The following NKAIN2 variants were observed in gnomAD, a reference collection of about 807,000 sequenced individuals.
NKAIN2 encodes sodium/potassium transporting ATPase interacting 2.
Under a neutral mutation model 32.6 loss-of-function variants are expected in NKAIN2, and 14 were observed. That is an observed-to-expected ratio of 0.43 (90% CI 0.28 to 0.67). The LOEUF (loss-of-function observed/expected upper bound fraction) is 0.67. Among genes scored for constraint, NKAIN2 ranks in the 30% least tolerant of loss-of-function variants. NKAIN2 has a pLI of 0.17. For synonymous variants in NKAIN2, 80 were observed against 87.2 expected (o/e 0.92, Z 0.46); for missense variants, 198 against 258.3 (o/e 0.77, Z 1.60).
chr6:124,823,303 G>A lies in NKAIN2; in HGVS notation c.*74G>A. ...TTCGCAGTGGCCTCCTGCATTTCATGAAGAGCAAGAAGCAACTGAGTTTAA... is the reference window on the plus strand; with the variant it reads ...TTCGCAGTGGCCTCCTGCATTTCATAAAGAGCAAGAAGCAACTGAGTTTAA... On this transcript the variant is annotated 3_prime_UTR_variant, in exon 7 of 7. Transcript: ENST00000368417. 1 of 984,640 alleles carries A rather than the reference G, an allele frequency of 1.0e-6. No individual in the cohort carries two copies. The highest frequency in any genetic ancestry group is 1.7e-6 in the Non-Finnish European group (1 of 604,800). The allele number at this position is 984,640 out of a possible 1,614,324, so 61.0% of individuals were successfully genotyped here.
intron 1 of NKAIN2, among the ~76,000 whole-genome samples, chr6:124,164,804 A>T (rs1405556883): frequency 3.3e-5 from 5 of 152,044 alleles, no homozygotes; most frequent in Non-Finnish European, 5.9e-5. Context: ...AAACCAGAAA[A>T]TTGAGAGTAT....
chr6:124,502,844 G>A (rs1388683437), intron 3 of NKAIN2, among the ~76,000 whole-genome samples: 1 of 152,106 alleles, frequency 6.6e-6, no homozygotes, highest in African/African-American at 2.4e-5. Context: ...ATTCATGTGT[G>A]TCATCACTCT....
At chr6:124,218,593 A>G (rs992066163) in intron 1 of NKAIN2, among the ~76,000 whole-genome samples, 1 of 152,202 alleles carries the variant, frequency 6.6e-6, no homozygotes, top group African/African-American at 2.4e-5. Flanking sequence ...CCAACTACTA[A>G]TAGCAAAACA....
intron 5 of NKAIN2, among the ~76,000 whole-genome samples, chr6:124,805,153 G>A (rs9385347): frequency 5.3e-5 from 8 of 151,890 alleles, no homozygotes; most frequent in South Asian, 2.1e-4. Flanking sequence ...CTCCCAGCAC[G>A]CAGCTGGAGA....
intron 1 of NKAIN2, among the ~76,000 whole-genome samples, chr6:124,089,273 C>A (rs1300851731): frequency 6.6e-6 from 1 of 151,650 alleles, no homozygotes; most frequent in Non-Finnish European, 1.5e-5. Context: ...TTCTACCAGG[C>A]ACATTAGTGT....
intron 3 of NKAIN2, among the ~76,000 whole-genome samples, chr6:124,406,964 TCGATA>T (rs1773889088): frequency 6.6e-6 from 1 of 152,066 alleles, no homozygotes; most frequent in African/African-American, 2.4e-5. Flanking sequence ...TTATGTATAT[TCGATA>T]CAATTGCCTT....
chr6:124,018,010 G>A lies in NKAIN2; in HGVS notation c.54+213756G>A, dbSNP rs950650713. On this transcript the variant is annotated intron_variant, in intron 1 of 6. Coordinates refer to ENST00000368417, the MANE Select transcript of NKAIN2 (RefSeq NM_001040214.3). Reference sequence around the variant, plus strand: ...GGTTGTTCATAGGGGCTTCACCCCTGCAGCACACCTCTGCCTGGACATTTA... The same window carrying A: ...GGTTGTTCATAGGGGCTTCACCCCTACAGCACACCTCTGCCTGGACATTTA... Among the ~76,000 whole-genome samples, 3 of 152,200 alleles carry A rather than the reference G, an allele frequency of 2.0e-5. No individual in the cohort carries two copies. In the South Asian group the frequency reaches 6.2e-4, roughly 31 times the overall value.
intron 1 of NKAIN2, among the ~76,000 whole-genome samples, chr6:123,983,592 A>T (rs1778997382): frequency 6.6e-6 from 1 of 152,154 alleles, no homozygotes; most frequent in Non-Finnish European, 1.5e-5. Context: ...TGTAAAGTAA[A>T]TGATGGGTGG....
intron 1 of NKAIN2, among the ~76,000 whole-genome samples, chr6:123,815,129 G>A (rs973613416): frequency 3.3e-5 from 5 of 152,088 alleles, no homozygotes; most frequent in African/African-American, 7.2e-5. Context: ...TGTTTCTATC[G>A]TAAATCTAGT....
intron 3 of NKAIN2, among the ~76,000 whole-genome samples, chr6:124,582,269 T>A (rs903111056): frequency 3.9e-5 from 6 of 152,150 alleles, no homozygotes; most frequent in Non-Finnish European, 7.4e-5. Flanking sequence ...CTTCTAATGA[T>A]CCTTTGAATT....
chr6:124,138,650 ATAAT>A (rs1786963433), intron 1 of NKAIN2, among the ~76,000 whole-genome samples: 1 of 101,472 alleles, frequency 9.9e-6, no homozygotes, highest in Non-Finnish European at 1.9e-5. Flanking sequence ...ATTATTATTA[ATAAT>A]TATGTTATAT....
chr6:124,426,310 T>C (rs914988667), intron 3 of NKAIN2, among the ~76,000 whole-genome samples: 2 of 152,130 alleles, frequency 1.3e-5, no homozygotes, highest in Non-Finnish European at 2.9e-5. Context: ...AAAAACATGA[T>C]CCACACTTAA....
chr6:124,531,112 G>A (rs1779509623), intron 3 of NKAIN2, among the ~76,000 whole-genome samples: 2 of 152,178 alleles, frequency 1.3e-5, no homozygotes, highest in Non-Finnish European at 2.9e-5. Flanking sequence ...ACAAAGAAAA[G>A]TCAGCAGCCT....
intron 3 of NKAIN2, among the ~76,000 whole-genome samples, chr6:124,374,308 G>GAA (rs796702468): frequency 9.6e-5 from 14 of 146,508 alleles, no homozygotes; most frequent in Middle Eastern, 3.3e-3. Flanking sequence ...AGAGAGTTTT[G>GAA]AAAAAAAAAA....
chr6:124,641,943 A>C (rs1784009756), intron 3 of NKAIN2, among the ~76,000 whole-genome samples: 1 of 152,104 alleles, frequency 6.6e-6, no homozygotes, highest in Admixed American at 6.5e-5. Context: ...ATGCTCACAG[A>C]AATATTTTAT....
intron 1 of NKAIN2, among the ~76,000 whole-genome samples, chr6:124,077,351 C>T (rs530534355): frequency 6.6e-6 from 1 of 152,280 alleles, no homozygotes; most frequent in South Asian, 2.1e-4. Context: ...TTTTCTCACT[C>T]TTCTAATAAT....
intron 1 of NKAIN2, among the ~76,000 whole-genome samples, chr6:123,849,965 TGTTTG>T (rs750701603): frequency 0.039 from 1,284 of 32,810 alleles, 83 homozygotes; most frequent in Middle Eastern, 0.23. Flanking sequence ...TTTTTTTGTT[TGTTTG>T]TTTTTTTTTT....
At chr6:124,765,839 G>A (rs1178464732) in intron 4 of NKAIN2, among the ~76,000 whole-genome samples, 2 of 152,172 alleles carry the variant, frequency 1.3e-5, no homozygotes, top group Non-Finnish European at 2.9e-5. Flanking sequence ...CACTGTGCCA[G>A]TTGAATTACA....
rs184711806 is a variant in NKAIN2 at position 124,233,778 on chromosome 6, A to C, written c.55-49227A>C. ...CTAGAGAAAGAATGGGATTCTTCAA[A>C]AATTCTGCAGTAACAAGAATGAAAT... On this transcript the variant is annotated intron_variant, in intron 1 of 6. Transcript: ENST00000368417. Among the ~76,000 whole-genome samples the C allele has an allele frequency of 1.7e-3, 258 of 152,306 alleles. 1 individual carries two copies. The highest frequency in any genetic ancestry group is 5.5e-3 in the African/African-American group (229 of 41,570).
Sources: allele counts gnomAD v4.1 joint callset (sites outside exome capture counted in the v4.1 genomes callset), GRCh38; gene constraint gnomAD v4.1.1; transcripts MANE v1.5; gene names NCBI Gene and HGNC (gene_info 2026-07-23, HGNC 2026-07-21).